CCDC6: variants seen among roughly 807,000 people sequenced by gnomAD.
CCDC6 encodes coiled-coil domain containing 6, also known as coiled-coil domain-containing protein 6.
A neutral mutation model predicts 56.6 loss-of-function variants in CCDC6; 20 were observed. The ratio of observed to expected loss-of-function variants is 0.35; its 90% confidence interval spans 0.25 to 0.51. The LOEUF is 0.51. Ranked by LOEUF, CCDC6 falls within the 20% of genes least tolerant of loss-of-function variation. The probability of loss-of-function intolerance (pLI) is 0.95; values close to 1 mark genes in which losing one functional copy is unlikely to be tolerated. For missense variants in CCDC6, 367 were observed against 601.1 expected (o/e 0.61, Z 4.07); for synonymous variants, 241 against 234.4 (o/e 1.03, Z -0.26).
chr10:59,890,460 GGGGAAGAAAACAGAAAA>G (rs554453651), intron 1 of CCDC6, among the ~76,000 whole-genome samples: 2 of 152,236 alleles, frequency 1.3e-5, no homozygotes, highest in African/African-American at 4.8e-5. Flanking sequence ...CAGGTTTGTG[GGGGAAGAAAACAGAAAA>G]GGGAAGAAAT....
Position 59,903,506 on chromosome 10 carries a change from G to A in CCDC6, c.303+2616C>T, listed in dbSNP as rs111918549. Among the ~76,000 whole-genome samples the A allele has an allele frequency of 1.5e-3, 231 of 152,216 alleles. 1 individual carries two copies. Among genetic ancestry groups the A allele is most frequent in the African/African-American group, 5.4e-3 (224 of 41,532 alleles). ...ACAAGTCGGGGGAAAAAAAGAGCCC[G>A]GCTCTTCCCCAGGGTGTGGCAAAAA... On this transcript the variant is annotated intron_variant, in intron 1 of 8. Coordinates refer to ENST00000263102, the MANE Select transcript of CCDC6 (RefSeq NM_005436.5).
Position 59,828,409 on chromosome 10 carries a change from C to T in CCDC6, c.582+4116G>A, listed in dbSNP as rs190719026. ...CATCTGCTTATAAATTGACTTTTGGCATCAAGCATTTAAGATGCTAAATAA... is the reference window on the plus strand; with the variant it reads ...CATCTGCTTATAAATTGACTTTTGGTATCAAGCATTTAAGATGCTAAATAA... On this transcript the variant is annotated intron_variant, in intron 3 of 8. Transcript: ENST00000263102. 1.1e-3 allele frequency among the ~76,000 whole-genome samples: 172 copies of T among 152,256 alleles called. 1 individual carries two copies. Among genetic ancestry groups the T allele is most frequent in the Non-Finnish European group, 1.5e-4 (10 of 68,014 alleles).
intron 7 of CCDC6, among the ~76,000 whole-genome samples, chr10:59,800,612 G>T (rs1007291056): frequency 3.4e-5 from 5 of 145,246 alleles, no homozygotes; most frequent in African/African-American, 7.5e-5. Flanking sequence ...TTGTATTAAA[G>T]TTTTTTTTTT....
intron 1 of CCDC6, among the ~76,000 whole-genome samples, chr10:59,860,397 T>C (rs949327417): frequency 6.6e-6 from 1 of 152,146 alleles, no homozygotes; most frequent in African/African-American, 2.4e-5. Context: ...TACCTTAAAC[T>C]GGATCAGAAG....
chr10:59,798,420 A>T, intron 7 of CCDC6, among the ~76,000 whole-genome samples: 1 of 152,206 alleles, frequency 6.6e-6, no homozygotes. Flanking sequence ...CTAATACTAA[A>T]AGTTTATTTT....
chr10:59,810,747 G>A (rs1284259609), intron 5 of CCDC6, among the ~76,000 whole-genome samples: 1 of 151,958 alleles, frequency 6.6e-6, no homozygotes, highest in Admixed American at 6.6e-5. Context: ...CCTGTATGGT[G>A]CTAGAATAGT....
At chr10:59,865,103 A>G (rs1223267183) in intron 1 of CCDC6, among the ~76,000 whole-genome samples, 4 of 152,190 alleles carry the variant, frequency 2.6e-5, no homozygotes, top group Admixed American at 1.3e-4. Flanking sequence ...CTAACCAGCT[A>G]TTTACGAGAA....
intron 6 of CCDC6, among the ~76,000 whole-genome samples, chr10:59,805,983 T>C (rs2070619107): frequency 1.3e-5 from 2 of 152,194 alleles, no homozygotes; most frequent in Non-Finnish European, 2.9e-5. Context: ...GCAGTACTAC[T>C]CGTCACAGCC....
At chr10:59,802,422 A>T (rs919245005) in intron 7 of CCDC6, among the ~76,000 whole-genome samples, 1 of 152,142 alleles carries the variant, frequency 6.6e-6, no homozygotes, top group Non-Finnish European at 1.5e-5. Flanking sequence ...ACAGCCACAA[A>T]TTTTTTCCAA....
In CCDC6 at chr10:59,838,244, T is replaced by A. The variant is rs55812723; in HGVS notation, c.454-5591A>T. Among the ~76,000 whole-genome samples the A allele has an allele frequency of 3.1e-4, 35 of 112,030 alleles. No individual in the cohort carries two copies. In the South Asian group the frequency reaches 9.9e-3, roughly 32 times the overall value. The allele number at this position is 112,030 out of a possible 152,430, so 73.5% of individuals were successfully genotyped here. A position where few individuals can be genotyped will look rare whatever the true frequency, so the allele number is the denominator to read the frequency against. On this transcript the variant is annotated intron_variant, in intron 2 of 8. Coordinates refer to ENST00000263102, the MANE Select transcript of CCDC6 (RefSeq NM_005436.5). ...TAACAGCTGTCACACACACACACAC[T>A]CTCCTTTGTGTGTGCCATGTGCTCA... is the stretch of plus-strand genomic sequence containing the variant.
chr10:59,838,269 A>G (rs569710846), intron 2 of CCDC6, among the ~76,000 whole-genome samples: 1 of 152,126 alleles, frequency 6.6e-6, no homozygotes, highest in South Asian at 2.1e-4. Flanking sequence ...CCATGTGCTC[A>G]TGGCCCCAGT....
chr10:59,853,839 T>C (rs181571009), intron 1 of CCDC6, among the ~76,000 whole-genome samples: 15 of 152,310 alleles, frequency 9.8e-5, no homozygotes, highest in Non-Finnish European at 2.1e-4. Context: ...GATGAAAATA[T>C]TCTTCTGTAG....
At chr10:59,852,801 C>T (rs1334935235) in intron 1 of CCDC6, 99 bp from the exon 2 acceptor site, 10 of 1,010,490 alleles carry the variant, frequency 9.9e-6, no homozygotes, top group Non-Finnish European at 1.4e-5. Flanking sequence ...AGAAAGGGTA[C>T]CCATTTTAAA....
At chr10:59,806,867 A>G (rs1384915867) in intron 6 of CCDC6, 55 bp downstream of exon 6, 24 of 1,558,814 alleles carry the variant, frequency 1.5e-5, no homozygotes. Flanking sequence ...AAACCTCTGT[A>G]GAACCTGGGT....
chr10:59,804,669 T>C (rs879721686), intron 6 of CCDC6, 149 bp from the exon 7 acceptor site: 6 of 609,582 alleles, frequency 9.8e-6, no homozygotes, highest in South Asian at 1.9e-5. Context: ...ATTTATAAAA[T>C]GGACTCCTGA....
chr10:59,820,516 A>G (rs2070741503), intron 3 of CCDC6, among the ~76,000 whole-genome samples: 1 of 152,210 alleles, frequency 6.6e-6, no homozygotes, highest in African/African-American at 2.4e-5. Flanking sequence ...AGTAAAGGCT[A>G]TCATATAAAT....
At chr10:59,885,210 A>T (rs1171813) in intron 1 of CCDC6, among the ~76,000 whole-genome samples, 1 of 151,962 alleles carries the variant, frequency 6.6e-6, no homozygotes, top group Non-Finnish European at 1.5e-5. Context: ...TATCTACAAT[A>T]CTTCCATCTT....
chr10:59,875,053 G>A (rs76696326), intron 1 of CCDC6, among the ~76,000 whole-genome samples: 3,108 of 152,318 alleles, frequency 0.02, 47 homozygotes, highest in Middle Eastern at 0.061. Context: ...TCCTGACAAT[G>A]AAATAATATG....
intron 1 of CCDC6, among the ~76,000 whole-genome samples, chr10:59,868,726 C>G (rs2071199484): frequency 6.6e-6 from 1 of 152,170 alleles, no homozygotes; most frequent in Non-Finnish European, 1.5e-5. Context: ...CTTTGAGATT[C>G]TGGAACTTTG....
Sources: gnomAD v4.1 joint callset for allele counts (sites outside exome capture counted in the v4.1 genomes callset) on GRCh38, gnomAD v4.1.1 for gene constraint, MANE v1.5 for transcripts, NCBI Gene and HGNC (gene_info 2026-07-23, HGNC 2026-07-21) for gene names.